Variants in GIGYF2 observed in about 807,000 individuals in gnomAD.
The protein encoded by GIGYF2 is GRB10-interacting GYF protein 2.
GIGYF2 carries 25 observed loss-of-function variants against 208.1 expected under a neutral mutation model. The observed-to-expected ratio is 0.12, with a 90% CI of 0.09 to 0.17. GIGYF2 has a LOEUF of 0.17. GIGYF2 is among the 10% of genes least tolerant of loss of function. The pLI is 1.00. For missense variants in GIGYF2, 1,302 were observed against 1,579.4 expected (o/e 0.82, Z 2.98); for synonymous variants, 534 against 543.8 (o/e 0.98, Z 0.25).
intron 12 of GIGYF2, among the ~76,000 whole-genome samples, chr2:232,793,910 C>G (rs552447362): frequency 3.5e-4 from 54 of 152,122 alleles, no homozygotes; most frequent in Non-Finnish European, 6.5e-4. Flanking sequence ...TATTTGGCAA[C>G]TTTGTGTCAC....
chr2:232,720,581 A>ATTT (rs1331036864), intron 2 of GIGYF2, among the ~76,000 whole-genome samples: 51 of 117,900 alleles, frequency 4.3e-4, no homozygotes, highest in African/African-American at 1.1e-3. Flanking sequence ...ATATATATAT[A>ATTT]TATTTTTGTT....
At chr2:232,794,015 A>G (rs754721234) in intron 12 of GIGYF2, among the ~76,000 whole-genome samples, 3 of 152,240 alleles carry the variant, frequency 2.0e-5, no homozygotes, top group African/African-American at 7.2e-5. Context: ...TGTATAGACT[A>G]TCCTTTTAAA....
intron 5 of GIGYF2, among the ~76,000 whole-genome samples, chr2:232,749,679 T>C (rs1698268686): frequency 6.6e-6 from 1 of 152,138 alleles, no homozygotes; most frequent in African/African-American, 2.4e-5. Flanking sequence ...AATGGAAAAA[T>C]AAGCCTTGTT....
At chr2:232,793,227 G>A (rs930049699) in intron 12 of GIGYF2, among the ~76,000 whole-genome samples, 1 of 152,194 alleles carries the variant, frequency 6.6e-6, no homozygotes, top group Non-Finnish European at 1.5e-5. Context: ...GTTAGAACAT[G>A]GATTTGACAG....
intron 2 of GIGYF2, among the ~76,000 whole-genome samples, chr2:232,726,368 C>CAAAA (rs1295867270): frequency 1.5e-4 from 13 of 89,148 alleles, no homozygotes; most frequent in African/African-American, 4.5e-4. Context: ...GGCTCTGTCT[C>CAAAA]AAAAAAAAAA....
intron 14 of GIGYF2, among the ~76,000 whole-genome samples, chr2:232,802,992 C>G (rs866960704): frequency 6.6e-6 from 1 of 151,978 alleles, no homozygotes; most frequent in Non-Finnish European, 1.5e-5. Context: ...CGCTGTCTCC[C>G]GAGCTCAAGC....
chr2:232,761,340 A>G, intron 7 of GIGYF2, 56 bp from the exon 8 acceptor site: 4 of 1,116,310 alleles, frequency 3.6e-6, no homozygotes, highest in South Asian at 2.5e-5. Flanking sequence ...AGTGTCACAG[A>G]TAGGAAATCT....
intron 8 of GIGYF2, among the ~76,000 whole-genome samples, chr2:232,784,386 C>CTTTTTTTTTTTTTTTTTTTTT (rs10645449): frequency 2.2e-5 from 2 of 92,312 alleles, no homozygotes; most frequent in Non-Finnish European, 4.1e-5. Flanking sequence ...GAAATAATTT[C>CTTTTTTTTTTTTTTTTTTTTT]TTTTTTTTTT....
chr2:232,809,497 A>G (rs376593475), intron 15 of GIGYF2, among the ~76,000 whole-genome samples: 7 of 152,260 alleles, frequency 4.6e-5, no homozygotes, highest in African/African-American at 1.7e-4. Context: ...ACCCTTTCTC[A>G]CCTTAGGGAA....
At chr2:232,733,257 C>T (rs1410803156) in intron 2 of GIGYF2, among the ~76,000 whole-genome samples, 10 of 91,216 alleles carry the variant, frequency 1.1e-4, no homozygotes, top group Non-Finnish European at 1.6e-4. Flanking sequence ...ACTCTTGTCT[C>T]AAAAAAAAAA....
chr2:232,710,413 T>C (rs771604818), intron 2 of GIGYF2, among the ~76,000 whole-genome samples: 11 of 152,178 alleles, frequency 7.2e-5, no homozygotes, highest in Non-Finnish European at 1.6e-4. Flanking sequence ...TGAATAGACA[T>C]GTCAGTGAGT....
intron 6 of GIGYF2, among the ~76,000 whole-genome samples, chr2:232,758,501 C>T (rs1289783590): frequency 4.6e-5 from 7 of 152,090 alleles, no homozygotes; most frequent in East Asian, 1.9e-4. Context: ...TTGAGCCTTA[C>T]GATAGGTTCA....
chr2:232,809,583 A>C, intron 15 of GIGYF2, 137 bp from the exon 16 acceptor site: 1 of 666,240 alleles, frequency 1.5e-6, no homozygotes, highest in Non-Finnish European at 2.8e-6. Context: ...GTTTTTATTC[A>C]AGTGTTTGGG....
chr2:232,856,692 A>C, intron 28 of GIGYF2, 101 bp from the exon 29 acceptor site: 1 of 823,856 alleles, frequency 1.2e-6, no homozygotes, highest in Non-Finnish European at 2.2e-6. Context: ...ACCCTGTCTC[A>C]CAAACAAACA....
At chr2:232,752,730 C>T (rs978117794) in intron 5 of GIGYF2, among the ~76,000 whole-genome samples, 3 of 152,088 alleles carry the variant, frequency 2.0e-5, no homozygotes, top group South Asian at 4.1e-4. Context: ...TTAGTAGAGA[C>T]GGGGTTTCAC....
intron 28 of GIGYF2, among the ~76,000 whole-genome samples, chr2:232,851,264 G>T (rs1207527176): frequency 6.6e-6 from 1 of 152,174 alleles, no homozygotes; most frequent in Non-Finnish European, 1.5e-5. Flanking sequence ...GCAGTGAGCT[G>T]TGATCATGCC....
At chr2:232,730,103 T>C in intron 2 of GIGYF2, 1 of 1,329,596 alleles carries the variant, frequency 7.5e-7, no homozygotes, top group East Asian at 2.3e-5. Flanking sequence ...CCACATCTGC[T>C]TGTGATGGCA....
At chr2:232,726,280 A>C (rs535288125) in intron 2 of GIGYF2, among the ~76,000 whole-genome samples, 1 of 148,974 alleles carries the variant, frequency 6.7e-6, no homozygotes, top group South Asian at 2.1e-4. Flanking sequence ...GAGGCAGAAG[A>C]CTCGCTTGAA....
At chr2:232,726,894 G>C (rs946272826) in intron 2 of GIGYF2, among the ~76,000 whole-genome samples, 5 of 152,126 alleles carry the variant, frequency 3.3e-5, no homozygotes, top group Non-Finnish European at 7.3e-5. Context: ...ATGAATAAAA[G>C]GTTGTTTATT....
Sources: gnomAD v4.1 joint callset for allele counts (sites outside exome capture counted in the v4.1 genomes callset) on GRCh38, gnomAD v4.1.1 for gene constraint, MANE v1.5 for transcripts, NCBI Gene and HGNC (gene_info 2026-07-23, HGNC 2026-07-21) for gene names.